The following NADK variants were observed in gnomAD, a reference collection of about 807,000 sequenced individuals.
NADK encodes NAD kinase.
In NADK, 22 loss-of-function variants were observed where a neutral mutation model predicts 49.8. The ratio of observed to expected loss-of-function variants is 0.44; its 90% confidence interval spans 0.32 to 0.63. NADK has a LOEUF of 0.63. NADK is among the 30% of genes least tolerant of loss of function. The pLI is 0.06. For missense variants in NADK, 438 were observed against 609.4 expected, an observed-to-expected ratio of 0.72 and a Z score of 2.96; for synonymous variants, 268 against 253.7, an observed-to-expected ratio of 1.06 and a Z score of -0.54.
chr1:1,757,201 G>A lies in NADK; in HGVS notation c.373C>T (p.Leu125Phe). Residue 125 changes from leucine to phenylalanine, a missense_variant, in exon 4 of 12, where the codon CTC becomes TTC. Coordinates refer to ENST00000341426, the MANE Select transcript of NADK (RefSeq NM_023018.5). Reference sequence around the variant, plus strand: ...CGTGCCTCCATGAGGTGCGTGCAGAGCTCCTTGAACGGCTGCAGTAGGCTG... The same window carrying A: ...CGTGCCTCCATGAGGTGCGTGCAGAACTCCTTGAACGGCTGCAGTAGGCTG... ...DASLLQPFKELCTHLMEENMI... is the reference protein window; with the variant it reads ...DASLLQPFKEFCTHLMEENMI... The A allele has an allele frequency of 1.2e-6, 2 of 1,610,408 alleles. No individual in the cohort carries two copies. The highest frequency in any genetic ancestry group is 2.2e-5 in the South Asian group (2 of 90,930).
chr1:1,771,120 AAT>A (rs1322040810), intron 1 of NADK, among the ~76,000 whole-genome samples: 1 of 148,080 alleles, frequency 6.8e-6, no homozygotes, highest in African/African-American at 2.5e-5. Context: ...ATCTTATTAA[AAT>A]ATATATACAT....
Position 1,778,443 on chromosome 1 carries a change from G to C in NADK, c.-195C>G, listed in dbSNP as rs1042681233. The C allele has an allele frequency of 7.4e-5, 11 of 147,794 alleles. 1 individual carries two copies. The highest frequency in any genetic ancestry group is 7.4e-4 in the Admixed American group (11 of 14,898). The allele number at this position is 147,794 out of a possible 1,614,324, so 9.2% of individuals were successfully genotyped here. On this transcript the variant is annotated 5_prime_UTR_variant, in exon 1 of 12. Coordinates refer to ENST00000341426, the MANE Select transcript of NADK (RefSeq NM_023018.5). This position sits in a 1 kb window ranked among gnomAD's most constrained non-coding sequence, Gnocchi z 4.9. ...CCCGGACCCCGGCGCCGGCGCCGCCGAGCAGCAATGCGCCGCGCCCGCCCA... is the reference window on the plus strand; with the variant it reads ...CCCGGACCCCGGCGCCGGCGCCGCCCAGCAGCAATGCGCCGCGCCCGCCCA...
In NADK at chr1:1,752,886, C is replaced by T. The variant is rs539258284; in HGVS notation, c.*18G>A. On this transcript the variant is annotated 3_prime_UTR_variant, in exon 12 of 12. Transcript: ENST00000341426. ...TTGGAGGGCAGCGGAAGGATTCGGG[C>T]CTGGATAGGGGCTTGACCTAGCCCT... 21 of 1,607,580 alleles carry T rather than the reference C, an allele frequency of 1.3e-5. No homozygotes were observed. Among genetic ancestry groups the T allele is most frequent in the Admixed American group, 1.7e-5 (1 of 59,524 alleles).
Position 1,754,442 on chromosome 1 carries a change from C to T in NADK, c.844-59G>A. The stretch of plus-strand genomic sequence containing the variant: ...GGGGATGCCGCACGGCTCGCAGACA[C>T]CCTCCGTCTCACCCAGCCGGGCTCT... On this transcript the variant is annotated intron_variant, in intron 8 of 11. Transcript: ENST00000341426. This position sits in a 1 kb window ranked among gnomAD's most constrained non-coding sequence, Gnocchi z 4.3. 4 of 1,608,418 alleles carry T rather than the reference C, an allele frequency of 2.5e-6. No homozygotes were observed. The highest frequency in any genetic ancestry group is 2.6e-6 in the Non-Finnish European group (3 of 1,176,064).
rs991978268 is a variant in NADK, at chr1:1,778,259, G to A, written c.-41+30C>T. 1 of 152,006 alleles carries A rather than the reference G, an allele frequency of 6.6e-6. No individual in the cohort carries two copies. Among genetic ancestry groups the A allele is most frequent in the African/African-American group, 2.4e-5 (1 of 41,444 alleles). The allele number at this position is 152,006 out of a possible 1,614,324, so 9.4% of individuals were successfully genotyped here. ...GACCCCAGGCAGCGGGCGACCCCAG[G>A]CGGACGGCAGGCCGGGTCTGCTCAC... On this transcript the variant is annotated intron_variant, in intron 1 of 11. Coordinates refer to ENST00000341426, the MANE Select transcript of NADK (RefSeq NM_023018.5). This position sits in a 1 kb window ranked among gnomAD's most constrained non-coding sequence, Gnocchi z 4.9.
intron 3 of NADK, among the ~76,000 whole-genome samples, chr1:1,761,003 AT>A (rs1278901078): frequency 1.3e-5 from 2 of 150,670 alleles, no homozygotes; most frequent in African/African-American, 4.9e-5. Context: ...TAATTTTTGT[AT>A]TTTTCTGAGT....
chr1:1,763,421 C>T (rs1645789599), intron 2 of NADK, among the ~76,000 whole-genome samples: 1 of 152,024 alleles, frequency 6.6e-6, no homozygotes, highest in Non-Finnish European at 1.5e-5. Context: ...GTGTTCGAGA[C>T]CAGCCTGGCC....
At chr1:1,759,721 C>A in intron 3 of NADK, 1 of 1,551,062 alleles carries the variant, frequency 6.4e-7, no homozygotes, top group Non-Finnish European at 8.7e-7. Context: ...TCAAGGCTGC[C>A]CCACAAACCC....
At chr1:1,767,621 T>C (rs1296614551) in intron 1 of NADK, among the ~76,000 whole-genome samples, 3 of 152,240 alleles carry the variant, frequency 2.0e-5, no homozygotes, top group Admixed American at 6.5e-5. Flanking sequence ...AGGTAGATTC[T>C]GGCATTAAAA....
chr1:1,775,065 C>T lies in NADK; in HGVS notation c.-41+3224G>A, dbSNP rs559954085. Among the ~76,000 whole-genome samples, 351 of 151,938 alleles carry T rather than the reference C, an allele frequency of 2.3e-3. 1 individual carries two copies. Among genetic ancestry groups the T allele is most frequent in the Non-Finnish European group, 3.3e-3 (223 of 67,962 alleles). On this transcript the variant is annotated intron_variant, in intron 1 of 11. Coordinates refer to ENST00000341426, the MANE Select transcript of NADK (RefSeq NM_023018.5). The stretch of plus-strand genomic sequence containing the variant: ...CAGAGGTTGCAGTGAGCTGAGATCA[C>T]GCCACTGCCCTCCAGCCTGGGGGAC...
At chr1:1,755,890 C>G in intron 6 of NADK, 2 of 455,576 alleles carry the variant, frequency 4.4e-6, no homozygotes, top group Non-Finnish European at 8.0e-6. Flanking sequence ...CAGGGTCCCC[C>G]ACACAGCGTG....
rs766691195 is a variant in NADK, at chr1:1,757,168, C to T, written c.393+13G>A. 6.2e-7 allele frequency: 1 copy of T among 1,607,082 alleles called. No individual in the cohort carries two copies. On this transcript the variant is annotated intron_variant, in intron 4 of 11. Transcript: ENST00000341426. ...TGTGCACCCCAGGCCCCCTTCCCCCCTGCCCCGCGTGCCTCCATGAGGTGC... is the reference window on the plus strand; with the variant it reads ...TGTGCACCCCAGGCCCCCTTCCCCCTTGCCCCGCGTGCCTCCATGAGGTGC...
chr1:1,754,312 T>C lies in NADK; in HGVS notation c.915A>G (p.Gly305=), dbSNP rs763911072. The C allele has an allele frequency of 1.7e-5, 27 of 1,613,698 alleles. 1 individual carries two copies. In the South Asian group the frequency reaches 2.9e-4, roughly 17 times the overall value. Residue 305 remains glycine (G), a synonymous_variant, in exon 9 of 12, where the codon GGA becomes GGG. Coordinates refer to ENST00000341426, the MANE Select transcript of NADK (RefSeq NM_023018.5). The surrounding 1 kb of genome is among the most constrained non-coding windows in gnomAD (Gnocchi z 4.3). ...YLSNVDVYLD[G]HLITTVQGDG... The stretch of plus-strand genomic sequence containing the variant: ...CGCCCTGCACCGTGGTGATGAGGTG[T>C]CCGTCCAGGTAGACATCCACATTGG...
At chr1:1,762,158 C>G (rs1645744977) in intron 2 of NADK, 123 bp from the exon 3 acceptor site, 1 of 790,740 alleles carries the variant, frequency 1.3e-6, no homozygotes, top group African/African-American at 1.7e-5. Context: ...CCAACTCCAT[C>G]TGCCCAGCAG....
chr1:1,754,200 C>G lies in NADK; in HGVS notation c.952G>C (p.Val318Leu), dbSNP rs780824098. The change falls in exon 10 of 12, where the codon GTG (valine) becomes CTG (leucine). Residue 318 changes from valine to leucine, a missense_variant. Physicochemically the swap from Val to Leu is conservative, Grantham distance 32. Transcript: ENST00000341426. The surrounding 1 kb of genome is among the most constrained non-coding windows in gnomAD (Gnocchi z 4.3). ...ITTVQGDGVI[V>L]STPTGSTAYA... ...GCCGTGCTGCCCGTCGGGGTGGACA[C>G]GATCACTCCTGACAGGGACAGGCGC... 1 of 1,612,772 alleles carries G rather than the reference C, an allele frequency of 6.2e-7. No individual in the cohort carries two copies. The highest frequency in any genetic ancestry group is 1.1e-5 in the South Asian group (1 of 91,062).
chr1:1,776,800 G>GTC (rs1473127782), intron 1 of NADK, among the ~76,000 whole-genome samples: 3 of 148,678 alleles, frequency 2.0e-5, no homozygotes, highest in African/African-American at 7.4e-5. Context: ...AAAAAGACTG[G>GTC]TCAAAGTGGC....
chr1:1,780,129 AC>A (rs1336726857), upstream of NADK: 2 of 152,334 alleles, frequency 1.3e-5, no homozygotes, highest in Non-Finnish European at 2.9e-5. Flanking sequence ...CAAAGTGACC[AC>A]CAGCCACACC....
intron 1 of NADK, among the ~76,000 whole-genome samples, chr1:1,774,383 A>G (rs1476307902): frequency 6.6e-6 from 1 of 152,094 alleles, no homozygotes; most frequent in East Asian, 1.9e-4. Context: ...GGTGTGCGCC[A>G]CCACGCCCAG....
chr1:1,754,802 C>G lies in NADK; in HGVS notation c.689-104G>C. Reference sequence around the variant, plus strand: ...GGAGTCAGAGGGCTCTTTCTTCTCCCAAGTTGACACACTTCTGTGCCTTTT... The same window carrying G: ...GGAGTCAGAGGGCTCTTTCTTCTCCGAAGTTGACACACTTCTGTGCCTTTT... On this transcript the variant is annotated intron_variant, in intron 7 of 11. Coordinates refer to ENST00000341426, the MANE Select transcript of NADK (RefSeq NM_023018.5). The surrounding 1 kb of genome is among the most constrained non-coding windows in gnomAD (Gnocchi z 4.3). 1 of 1,037,234 alleles carries G rather than the reference C, an allele frequency of 9.6e-7. No homozygotes were observed. The highest frequency in any genetic ancestry group is 1.4e-6 in the Non-Finnish European group (1 of 712,382). The allele number at this position is 1,037,234 out of a possible 1,614,324, so 64.3% of individuals were successfully genotyped here. A position where few individuals can be genotyped will look rare whatever the true frequency, so the allele number is the denominator to read the frequency against.
Sources: allele counts gnomAD v4.1 joint callset (sites outside exome capture counted in the v4.1 genomes callset), GRCh38; gene constraint gnomAD v4.1.1; non-coding constraint Gnocchi (gnomAD v3.1); transcripts MANE v1.5; gene names NCBI Gene and HGNC (gene_info 2026-07-23, HGNC 2026-07-21).